PTPN14: variants seen among roughly 807,000 people sequenced by gnomAD.
PTPN14 encodes the protein tyrosine-protein phosphatase non-receptor type 14.
A neutral mutation model predicts 126.8 loss-of-function variants in PTPN14; 53 were observed. That is an observed-to-expected ratio of 0.42 (90% CI 0.34 to 0.53). The LOEUF is 0.53. Among genes scored for constraint, PTPN14 ranks in the 20% least tolerant of loss-of-function variants. The probability of loss-of-function intolerance (pLI) is 0.08; values close to 1 mark genes in which losing one functional copy is unlikely to be tolerated. For missense variants in PTPN14, 1,257 were observed against 1,552.9 expected, an observed-to-expected ratio of 0.81 and a Z score of 3.20; for synonymous variants, 630 against 599.3, an observed-to-expected ratio of 1.05 and a Z score of -0.75.
At chr1:214,421,327 A>C (rs1659539181) in intron 3 of PTPN14, among the ~76,000 whole-genome samples, 1 of 152,252 alleles carries the variant, frequency 6.6e-6, no homozygotes, top group African/African-American at 2.4e-5. Context: ...TTCCATTCAT[A>C]AGAAATGTCC....
intron 1 of PTPN14, among the ~76,000 whole-genome samples, chr1:214,511,499 ATAG>A (rs1382675968): frequency 2.0e-5 from 3 of 151,842 alleles, no homozygotes; most frequent in African/African-American, 2.4e-5. Flanking sequence ...AAAAAAAAAA[ATAG>A]AAAGAAAAGA....
intron 18 of PTPN14, among the ~76,000 whole-genome samples, chr1:214,363,157 T>C (rs1294352238): frequency 6.6e-6 from 1 of 152,260 alleles, no homozygotes; most frequent in Non-Finnish European, 1.5e-5. Flanking sequence ...TCTCAACTGA[T>C]TCCATGATGA....
intron 1 of PTPN14, among the ~76,000 whole-genome samples, chr1:214,525,722 G>A (rs776748397): frequency 1.3e-5 from 2 of 152,168 alleles, no homozygotes; most frequent in Non-Finnish European, 2.9e-5. Flanking sequence ...CAAAGACAAA[G>A]AAACTGAGTC....
chr1:214,431,421 C>A (rs1435214361), intron 3 of PTPN14, among the ~76,000 whole-genome samples: 1 of 152,158 alleles, frequency 6.6e-6, no homozygotes, highest in Non-Finnish European at 1.5e-5. Context: ...ATAATCTTCA[C>A]AAGAGCTTCT....
At chr1:214,449,406 C>A (rs116354184) in intron 3 of PTPN14, among the ~76,000 whole-genome samples, 158 of 152,290 alleles carry the variant, frequency 1.0e-3, no homozygotes, top group African/African-American at 3.6e-3. Context: ...CACCAATAGG[C>A]CTTACAGGAT....
intron 1 of PTPN14, among the ~76,000 whole-genome samples, chr1:214,495,207 CTATT>C (rs1263987067): frequency 6.6e-6 from 1 of 152,196 alleles, no homozygotes; most frequent in African/African-American, 2.4e-5. Flanking sequence ...CTTTGGCATA[CTATT>C]TAAACTCTCT....
chr1:214,392,168 A>G (rs370582589), intron 10 of PTPN14, among the ~76,000 whole-genome samples: 15 of 152,140 alleles, frequency 9.9e-5, no homozygotes, highest in African/African-American at 3.4e-4. Context: ...TGAACTGCAT[A>G]TGGAATTTAA....
At chr1:214,478,541 G>C (rs1660915383) in intron 1 of PTPN14, among the ~76,000 whole-genome samples, 2 of 151,364 alleles carry the variant, frequency 1.3e-5, no homozygotes, top group South Asian at 4.2e-4. Context: ...CATTGTATTT[G>C]GAAAAAAAAC....
At chr1:214,475,092 G>T (rs1660838851) in intron 1 of PTPN14, among the ~76,000 whole-genome samples, 1 of 152,148 alleles carries the variant, frequency 6.6e-6, no homozygotes, top group Admixed American at 6.6e-5. Flanking sequence ...AGGTATGTCA[G>T]GGGTCTCACC....
chr1:214,440,048 A>G (rs1660004605), intron 3 of PTPN14, among the ~76,000 whole-genome samples: 1 of 151,972 alleles, frequency 6.6e-6, no homozygotes, highest in Non-Finnish European at 1.5e-5. Context: ...GGAGGGGAGG[A>G]TTGGCAAAGA....
At chr1:214,395,590 C>T (rs1337185446) in intron 8 of PTPN14, among the ~76,000 whole-genome samples, 2 of 65,586 alleles carry the variant, frequency 3.0e-5, no homozygotes, top group African/African-American at 1.2e-4. Context: ...GACCCAACAA[C>T]ACACACACAC....
rs1216179224 is a variant in PTPN14, at chr1:214,383,890, G to A, written c.1965C>T (p.Ala655=). ...GGAGGTGGAGCGACTTGAGCGTCAT[G>A]GCCTCCATGCCCCGCACCATGCTGT... ...VMNSMVRGME[A]MTLKSLHLPM... is the part of the protein sequence containing the mutation. The change falls in exon 13 of 19, where the codon GCC becomes GCT. Residue 655 remains alanine (A), a synonymous_variant. Coordinates refer to ENST00000366956, the MANE Select transcript of PTPN14 (RefSeq NM_005401.5). This position sits in a 1 kb window ranked among gnomAD's most constrained non-coding sequence, Gnocchi z 4.4. 3.7e-6 allele frequency: 6 copies of A among 1,613,182 alleles called. No individual in the cohort carries two copies. The highest frequency in any genetic ancestry group is 5.1e-6 in the Non-Finnish European group (6 of 1,180,000).
chr1:214,399,591 T>C (rs114188111), intron 7 of PTPN14, among the ~76,000 whole-genome samples: 2,325 of 152,322 alleles, frequency 0.015, 51 homozygotes, highest in African/African-American at 0.053. Flanking sequence ...AGGCCAAAAC[T>C]TTCACCTCTT....
chr1:214,396,478 T>C (rs1658882419), intron 8 of PTPN14, among the ~76,000 whole-genome samples: 1 of 152,228 alleles, frequency 6.6e-6, no homozygotes, highest in Non-Finnish European at 1.5e-5. Flanking sequence ...TGAAGGTCTC[T>C]AGAGATAAGA....
chr1:214,363,928 C>G (rs150729019), intron 18 of PTPN14, among the ~76,000 whole-genome samples: 3 of 152,188 alleles, frequency 2.0e-5, no homozygotes, highest in Admixed American at 1.3e-4. Flanking sequence ...AGCAGCACCC[C>G]ACTTCTGCAG....
intron 1 of PTPN14, among the ~76,000 whole-genome samples, chr1:214,502,912 A>C (rs1654743130): frequency 6.6e-6 from 1 of 152,200 alleles, no homozygotes; most frequent in Admixed American, 6.5e-5. Flanking sequence ...TCTTAGAAAA[A>C]TTAAGTGAAA....
At position 214,369,440 on chromosome 1, in the gene PTPN14, G is replaced by A; in HGVS notation, c.3271+17C>T. 1 of 1,604,408 alleles carries A rather than the reference G, an allele frequency of 6.2e-7. No individual in the cohort carries two copies. The highest frequency in any genetic ancestry group is 8.5e-7 in the Non-Finnish European group (1 of 1,171,280). On this transcript the variant is annotated intron_variant, in intron 17 of 18. Transcript: ENST00000366956. ...TAAAAGTCAGTCAGGTAGCAGACTG[G>A]GAAGAAAAACACTTACATAAAAATC...
chr1:214,402,443 A>T lies in PTPN14; in HGVS notation c.581+440T>A, dbSNP rs1659044699. ...TGACAGAGCGAGACTCTGTCAAAAAAAAAAAAAAAAAAAAAAGCCACGATG... is the reference window on the plus strand; with the variant it reads ...TGACAGAGCGAGACTCTGTCAAAAATAAAAAAAAAAAAAAAAGCCACGATG... On this transcript the variant is annotated intron_variant, in intron 6 of 18. Transcript: ENST00000366956. Among the ~76,000 whole-genome samples, 3 of 121,002 alleles carry T rather than the reference A, an allele frequency of 2.5e-5. No homozygotes were observed. The South Asian group carries it at 7.9e-4, about 32-fold the overall frequency. The allele number at this position is 121,002 out of a possible 152,430, so 79.4% of individuals were successfully genotyped here.
At chr1:214,455,908 AT>A (rs5780782) in intron 2 of PTPN14, among the ~76,000 whole-genome samples, 57,462 of 151,706 alleles carry the variant, frequency 0.38, 11,124 homozygotes, top group East Asian at 0.52. Flanking sequence ...GGCAGGGGAC[AT>A]TATGGGAACT....
Sources: allele counts gnomAD v4.1 joint callset (sites outside exome capture counted in the v4.1 genomes callset), GRCh38; gene constraint gnomAD v4.1.1; non-coding constraint Gnocchi (gnomAD v3.1); transcripts MANE v1.5; gene names NCBI Gene and HGNC (gene_info 2026-07-23, HGNC 2026-07-21).